The following TMPRSS11A variants were observed in gnomAD, a reference collection of about 807,000 sequenced individuals.
TMPRSS11A encodes transmembrane serine protease 11A.
A neutral mutation model predicts 58.9 loss-of-function variants in TMPRSS11A; 53 were observed. The observed-to-expected ratio is 0.90, with a 90% confidence interval of 0.72 to 1.13. TMPRSS11A has a LOEUF of 1.13. TMPRSS11A is among the 50% of genes most tolerant of loss of function. The probability of loss-of-function intolerance (pLI) is 0.00; values close to 1 mark genes in which losing one functional copy is unlikely to be tolerated. For missense variants in TMPRSS11A, 493 were observed against 499.3 expected (o/e 0.99, Z 0.12); for synonymous variants, 167 against 169.8 (o/e 0.98, Z 0.13).
In TMPRSS11A at chr4:67,963,240, G is replaced by C. The variant is rs544358219; in HGVS notation, c.11+143C>G. ...GAAATTAATTAATCCAGGATGCTAT[G>C]ATAATTCCAGAAATTTAAAAAAATC... On this transcript the variant is annotated intron_variant, in intron 1 of 9. Coordinates refer to ENST00000508048, the MANE Select transcript of TMPRSS11A (RefSeq NM_001114387.2). 60 of 695,734 alleles carry C rather than the reference G, an allele frequency of 8.6e-5. No homozygotes were observed. The African/African-American group carries it at 1.1e-3, about 12-fold the overall frequency. The allele number at this position is 695,734 out of a possible 1,614,324, so 43.1% of individuals were successfully genotyped here. A position where few individuals can be genotyped will look rare whatever the true frequency, so the allele number is the denominator to read the frequency against.
chr4:67,917,717 A>G (rs1484314403), intron 8 of TMPRSS11A, among the ~76,000 whole-genome samples: 1 of 152,146 alleles, frequency 6.6e-6, no homozygotes, highest in Non-Finnish European at 1.5e-5. Flanking sequence ...TATGACAGGT[A>G]TGTTTCTGTG....
intron 1 of TMPRSS11A, among the ~76,000 whole-genome samples, chr4:67,951,908 G>C (rs2109767759): frequency 6.6e-6 from 1 of 152,278 alleles, no homozygotes; most frequent in South Asian, 2.1e-4. Flanking sequence ...TAGAAGCAAA[G>C]TGATAACTCT....
intron 5 of TMPRSS11A, among the ~76,000 whole-genome samples, chr4:67,928,784 AGC>A (rs1264311420): frequency 2.1e-4 from 32 of 152,188 alleles, no homozygotes; most frequent in Non-Finnish European, 2.9e-5. Context: ...TTGAAGTGTC[AGC>A]TAGACCCTTA....
At chr4:67,957,847 G>C (rs1196805208) in intron 1 of TMPRSS11A, among the ~76,000 whole-genome samples, 1 of 152,112 alleles carries the variant, frequency 6.6e-6, no homozygotes, top group African/African-American at 2.4e-5. Context: ...ATAGTTTCAT[G>C]GGCCAGGTCC....
chr4:67,958,604 C>T (rs920808712), intron 1 of TMPRSS11A, among the ~76,000 whole-genome samples: 3 of 152,186 alleles, frequency 2.0e-5, no homozygotes, highest in East Asian at 1.9e-4. Flanking sequence ...TTTACAGGCT[C>T]ATAGGCAGAA....
At position 67,922,757 on chromosome 4, in the gene TMPRSS11A, C is replaced by G. The variant is rs768038125; in HGVS notation, c.690G>C (p.Gln230His). 8.7e-6 allele frequency: 14 copies of G among 1,613,426 alleles called. No individual in the cohort carries two copies. Among genetic ancestry groups the G allele is most frequent in the African/African-American group, 1.3e-5 (1 of 75,012 alleles). ...CTAACTTAAGGTCAATAACTTACTTCTGGAAGCAGTGTGCTGCAGTGACAA... is the reference window on the plus strand; with the variant it reads ...CTAACTTAAGGTCAATAACTTACTTGTGGAAGCAGTGTGCTGCAGTGACAA... ...TWLVTAAHCFQKYKNPHQWTV... is the reference protein window; with the variant it reads ...TWLVTAAHCFHKYKNPHQWTV... Residue 230 changes from glutamine (Q) to histidine (H), a missense_variant and splice_region_variant, in exon 7 of 10, where the codon CAG (glutamine) becomes CAC (histidine). Gln to His is a conservative substitution (Grantham distance 24, BLOSUM62 0). Transcript: ENST00000508048.
In TMPRSS11A at chr4:67,930,875, T is replaced by G. The variant is rs188820513; in HGVS notation, c.321-835A>C. Among the ~76,000 whole-genome samples, 28 of 137,556 alleles carry G rather than the reference T, an allele frequency of 2.0e-4. No individual in the cohort carries two copies. In the East Asian group the frequency reaches 5.1e-3, roughly 25 times the overall value. 90.2% of individuals were successfully genotyped at this position (137,556 alleles called of 152,430 possible). Reference sequence around the variant, plus strand: ...GAAAAACTCTAGAGGCCCATCTCCCTGAATCTTTTGGCTAAAAGGAAATTC... The same window carrying G: ...GAAAAACTCTAGAGGCCCATCTCCCGGAATCTTTTGGCTAAAAGGAAATTC... On this transcript the variant is annotated intron_variant, in intron 4 of 9. Transcript: ENST00000508048.
chr4:67,941,141 A>G (rs1455605039), intron 3 of TMPRSS11A, among the ~76,000 whole-genome samples: 1 of 152,212 alleles, frequency 6.6e-6, no homozygotes, highest in African/African-American at 2.4e-5. Context: ...TTACTTTTGC[A>G]TCTCAATTTG....
chr4:67,931,964 T>G, intron 4 of TMPRSS11A, 29 bp downstream of exon 4: 1 of 1,405,894 alleles, frequency 7.1e-7, no homozygotes, highest in Non-Finnish European at 1.0e-6. Flanking sequence ...TCCAGTCTTG[T>G]GATTCCACCT....
intron 2 of TMPRSS11A, 43 bp from the exon 3 acceptor site, chr4:67,944,680 A>T (rs781234312): frequency 7.7e-6 from 12 of 1,567,526 alleles, no homozygotes; most frequent in Non-Finnish European, 1.0e-5. Context: ...GGTTTGGACA[A>T]AGATTTCAGA....
At chr4:67,938,059 A>G (rs538732890) in intron 3 of TMPRSS11A, among the ~76,000 whole-genome samples, 12 of 152,210 alleles carry the variant, frequency 7.9e-5, no homozygotes, top group Non-Finnish European at 1.6e-4. Context: ...CAGTCTCATC[A>G]GCATGTTATT....
At chr4:67,928,984 A>AT (rs1258270105) in intron 5 of TMPRSS11A, among the ~76,000 whole-genome samples, 1 of 152,222 alleles carries the variant, frequency 6.6e-6, no homozygotes, top group East Asian at 1.9e-4. Flanking sequence ...CTGCCTTAGA[A>AT]TTTTTAATAT....
At chr4:67,960,274 C>T (rs73823391) in intron 1 of TMPRSS11A, among the ~76,000 whole-genome samples, 12,919 of 151,862 alleles carry the variant, frequency 0.085, 848 homozygotes, top group African/African-American at 0.18. Flanking sequence ...TCCACTATAG[C>T]GAAAATAAAT....
chr4:67,937,258 C>A (rs971878977), intron 3 of TMPRSS11A, among the ~76,000 whole-genome samples: 6 of 152,154 alleles, frequency 3.9e-5, no homozygotes, highest in African/African-American at 1.4e-4. Flanking sequence ...ATTGTTCACA[C>A]TAGATGTACA....
intron 5 of TMPRSS11A, among the ~76,000 whole-genome samples, chr4:67,928,747 T>A (rs907548196): frequency 2.0e-5 from 3 of 152,188 alleles, no homozygotes; most frequent in African/African-American, 7.2e-5. Context: ...TTACCTCACA[T>A]TTTTTACTTC....
chr4:67,919,501 A>G (rs1472314585), intron 7 of TMPRSS11A, among the ~76,000 whole-genome samples: 1 of 152,212 alleles, frequency 6.6e-6, no homozygotes, highest in Non-Finnish European at 1.5e-5. Flanking sequence ...TATCCCTTCC[A>G]CAAATATTTA....
At chr4:67,943,767 A>G (rs1435686707) in intron 3 of TMPRSS11A, among the ~76,000 whole-genome samples, 5 of 152,208 alleles carry the variant, frequency 3.3e-5, no homozygotes, top group African/African-American at 1.2e-4. Context: ...CAAAGAGCAA[A>G]TGATGACAGG....
At chr4:67,939,421 G>A (rs1046763762) in intron 3 of TMPRSS11A, among the ~76,000 whole-genome samples, 3 of 151,988 alleles carry the variant, frequency 2.0e-5, no homozygotes, top group Non-Finnish European at 2.9e-5. Context: ...TCTCCTGCTC[G>A]ATTGCTCTTT....
chr4:67,920,547 ATATTT>A (rs1265742912), intron 7 of TMPRSS11A, among the ~76,000 whole-genome samples: 142 of 80,100 alleles, frequency 1.8e-3, no homozygotes, highest in African/African-American at 7.6e-3. Flanking sequence ...ATATATATAT[ATATTT>A]TTTTTTATAT....
Sources: gnomAD v4.1 joint callset for allele counts (sites outside exome capture counted in the v4.1 genomes callset) on GRCh38, gnomAD v4.1.1 for gene constraint, MANE v1.5 for transcripts, NCBI Gene and HGNC (gene_info 2026-07-23, HGNC 2026-07-21) for gene names.